Variants in AEBP2 observed in about 807,000 individuals in gnomAD.
AEBP2 encodes zinc finger protein AEBP2.
Under a neutral mutation model 50.8 loss-of-function variants are expected in AEBP2, and 10 were observed. The observed-to-expected ratio is 0.20, with a 90% CI of 0.12 to 0.33. The LOEUF (loss-of-function observed/expected upper bound fraction) is 0.33. Ranked by LOEUF, AEBP2 falls within the 10% of genes least tolerant of loss-of-function variation. The pLI is 1.00. For synonymous variants in AEBP2, 296 were observed against 261.3 expected, an observed-to-expected ratio of 1.13 and a Z score of -1.28; for missense variants, 570 against 688.0, an observed-to-expected ratio of 0.83 and a Z score of 1.92.
At chr12:19,516,475 C>G (rs190877102) in intron 7 of AEBP2, among the ~76,000 whole-genome samples, 1 of 152,272 alleles carries the variant, frequency 6.6e-6, no homozygotes, top group East Asian at 1.9e-4. Context: ...TTCCAAGAGT[C>G]TTGCTTTCTC....
At position 19,519,967 on chromosome 12, in the gene AEBP2, T is replaced by C. The variant is rs1949374898; in HGVS notation, c.*1850T>C. ...TATTTTTAAAAAGAAAAGCAGTGTG[T>C]TTTCTTTTTTTGTTGTTTTCTTTTG... On this transcript the variant is annotated 3_prime_UTR_variant, in exon 8 of 8. Coordinates refer to ENST00000266508, the MANE Select transcript of AEBP2 (RefSeq NM_153207.5). The C allele has an allele frequency of 1.3e-5, 2 of 152,532 alleles. No homozygotes were observed. Among genetic ancestry groups the C allele is most frequent in the Non-Finnish European group, 2.9e-5 (2 of 67,988 alleles). The allele number at this position is 152,532 out of a possible 1,614,324, so 9.4% of individuals were successfully genotyped here. A position where few individuals can be genotyped will look rare whatever the true frequency, so the allele number is the denominator to read the frequency against.
chr12:19,497,327 T>TG (rs1948999357), intron 4 of AEBP2, among the ~76,000 whole-genome samples: 4 of 91,202 alleles, frequency 4.4e-5, no homozygotes, highest in South Asian at 3.9e-4. Flanking sequence ...TTTCCAAAGG[T>TG]GTTTTTTTTT....
chr12:19,425,025 C>CA (rs2095747813), intron 1 of AEBP2, among the ~76,000 whole-genome samples: 1 of 151,984 alleles, frequency 6.6e-6, no homozygotes, highest in South Asian at 2.1e-4. Context: ...AACAAACAAA[C>CA]AAAGACCTTA....
At chr12:19,441,135 A>T (rs1211912024) in intron 1 of AEBP2, among the ~76,000 whole-genome samples, 2 of 152,206 alleles carry the variant, frequency 1.3e-5, no homozygotes, top group Non-Finnish European at 2.9e-5. Context: ...CTTTATAGTA[A>T]TGTTTCAACA....
At chr12:19,488,599 T>G (rs1037209851) in intron 3 of AEBP2, among the ~76,000 whole-genome samples, 3 of 152,170 alleles carry the variant, frequency 2.0e-5, no homozygotes, top group Non-Finnish European at 4.4e-5. Flanking sequence ...TTTGTAAGAC[T>G]GGTGCTTTCT....
chr12:19,458,837 T>A (rs527729947), intron 1 of AEBP2, among the ~76,000 whole-genome samples: 2 of 152,214 alleles, frequency 1.3e-5, no homozygotes, highest in African/African-American at 4.8e-5. Flanking sequence ...CAGTGAAAGA[T>A]AAGTTTCTCT....
At chr12:19,467,198 G>C (rs1948492036) in intron 2 of AEBP2, among the ~76,000 whole-genome samples, 1 of 147,896 alleles carries the variant, frequency 6.8e-6, no homozygotes, top group South Asian at 2.2e-4. Flanking sequence ...GAGCCACCAT[G>C]CCCAGACCAA....
intron 1 of AEBP2, among the ~76,000 whole-genome samples, chr12:19,406,107 A>G (rs2153362680): frequency 6.6e-6 from 1 of 152,094 alleles, no homozygotes; most frequent in East Asian, 1.9e-4. Context: ...CTGGGATTAC[A>G]GGAGCCTGCC....
chr12:19,500,719 C>G lies in AEBP2; in HGVS notation c.1299+498C>G, dbSNP rs192082308. Among the ~76,000 whole-genome samples, 113 of 152,268 alleles carry G rather than the reference C, an allele frequency of 7.4e-4. 2 individuals are homozygous for G. Among genetic ancestry groups the G allele is most frequent in the Admixed American group, 2.7e-3 (41 of 15,284 alleles). ...TTCATGAAGGAAAGGATTTTAGTCT[C>G]TTTTGTTCCACTCATCTATCCCAAG... On this transcript the variant is annotated intron_variant, in intron 5 of 7. Coordinates refer to ENST00000266508, the MANE Select transcript of AEBP2 (RefSeq NM_153207.5).
chr12:19,464,836 C>T (rs1385983377), intron 2 of AEBP2, among the ~76,000 whole-genome samples: 3 of 151,756 alleles, frequency 2.0e-5, no homozygotes, highest in South Asian at 2.1e-4. Flanking sequence ...GTGATCCACC[C>T]GCCTCGGCCT....
chr12:19,427,547 C>T (rs1393060812), intron 1 of AEBP2, among the ~76,000 whole-genome samples: 1 of 152,170 alleles, frequency 6.6e-6, no homozygotes, highest in Admixed American at 6.6e-5. Flanking sequence ...ACATAACCAG[C>T]TTTCCTGGTT....
At chr12:19,504,399 G>C (rs1949125901) in intron 5 of AEBP2, among the ~76,000 whole-genome samples, 1 of 149,596 alleles carries the variant, frequency 6.7e-6, no homozygotes, top group Non-Finnish European at 1.5e-5. Context: ...ACCACGCCTG[G>C]CTAATTTTTT....
intron 5 of AEBP2, among the ~76,000 whole-genome samples, chr12:19,501,216 A>T (rs1349867895): frequency 6.6e-6 from 1 of 151,678 alleles, no homozygotes; most frequent in Admixed American, 6.6e-5. Flanking sequence ...CTGCAATCCC[A>T]GTTACTTGGG....
At chr12:19,408,797 G>T (rs2095737702) in intron 1 of AEBP2, among the ~76,000 whole-genome samples, 2 of 151,950 alleles carry the variant, frequency 1.3e-5, no homozygotes. Context: ...CAGCTGCTCA[G>T]GAGGCTGAGG....
chr12:19,416,640 T>C (rs1592703944), intron 1 of AEBP2, among the ~76,000 whole-genome samples: 1 of 150,516 alleles, frequency 6.6e-6, no homozygotes, highest in Admixed American at 6.6e-5. Context: ...TTTTTTTTTC[T>C]TGAGACAGAG....
chr12:19,460,814 C>G (rs1448928046), intron 1 of AEBP2, among the ~76,000 whole-genome samples: 2 of 152,066 alleles, frequency 1.3e-5, no homozygotes, highest in Non-Finnish European at 2.9e-5. Context: ...ACTACCATGC[C>G]TGGCTAATTT....
intron 1 of AEBP2, among the ~76,000 whole-genome samples, chr12:19,416,821 G>A (rs1482221376): frequency 6.6e-6 from 1 of 150,906 alleles, no homozygotes; most frequent in Admixed American, 6.6e-5. Context: ...CAAAGTGTTG[G>A]AATTACAGGT....
intron 1 of AEBP2, among the ~76,000 whole-genome samples, chr12:19,408,827 CG>C (rs2095737719): frequency 6.6e-6 from 1 of 151,788 alleles, no homozygotes; most frequent in Non-Finnish European, 1.5e-5. Flanking sequence ...CGCTTGAACC[CG>C]GGAGGCAGAG....
intron 1 of AEBP2, among the ~76,000 whole-genome samples, chr12:19,460,849 T>C (rs528905847): frequency 6.6e-6 from 1 of 151,966 alleles, no homozygotes; most frequent in East Asian, 1.9e-4. Context: ...AGAGACAGGG[T>C]TTCACCATGT....
Sources: allele counts gnomAD v4.1 joint callset (sites outside exome capture counted in the v4.1 genomes callset), GRCh38; gene constraint gnomAD v4.1.1; transcripts MANE v1.5; gene names NCBI Gene and HGNC (gene_info 2026-07-23, HGNC 2026-07-21).